The following AGBL1 variants were observed in gnomAD, a reference collection of about 807,000 sequenced individuals.
AGBL1 encodes the protein cytosolic carboxypeptidase 4.
Under a neutral mutation model 118.9 loss-of-function variants are expected in AGBL1, and 130 were observed. The ratio of observed to expected loss-of-function variants is 1.09; its 90% CI spans 0.95 to 1.26. The LOEUF (loss-of-function observed/expected upper bound fraction) is 1.26. Among genes scored for constraint, AGBL1 ranks in the 50% most tolerant of loss-of-function variants. The pLI, the probability that AGBL1 is intolerant of heterozygous loss-of-function variation, is 0.00. For synonymous variants in AGBL1, 555 were observed against 478.9 expected, an observed-to-expected ratio of 1.16 and a Z score of -2.08; for missense variants, 1,584 against 1,298.1, an observed-to-expected ratio of 1.22 and a Z score of -3.38.
At chr15:86,089,959 A>C (rs1895912918) in intron 1 of AGBL1, among the ~76,000 whole-genome samples, 1 of 152,250 alleles carries the variant, frequency 6.6e-6, no homozygotes. Flanking sequence ...TAATATTTGA[A>C]GAAAAATGGG....
intron 21 of AGBL1, among the ~76,000 whole-genome samples, chr15:86,579,025 A>G (rs2084137255): frequency 6.6e-6 from 1 of 152,172 alleles, no homozygotes; most frequent in Non-Finnish European, 1.5e-5. Flanking sequence ...ATATTGTTAT[A>G]CCCAGCCTAG....
In AGBL1 at chr15:86,270,049, A is replaced by C. The variant is rs1300069378; in HGVS notation, c.1969A>C (p.Asn657His). The C allele has an allele frequency of 1.9e-6, 3 of 1,612,380 alleles. No individual in the cohort carries two copies. Among genetic ancestry groups the C allele is most frequent in the Admixed American group, 3.3e-5 (2 of 59,812 alleles). The change falls in exon 14 of 23, where the codon AAC becomes CAC. Residue 657 changes from asparagine (N) to histidine (H), a missense_variant. Physicochemically the swap from Asn to His is moderately conservative, Grantham distance 68. Transcript: ENST00000614907. Reference protein sequence around the residue: ...HFNIINCEKPNSQFNYGMQPT... With the variant: ...HFNIINCEKPHSQFNYGMQPT... ...CAACATCATCAACTGTGAGAAGCCC[A>C]ACAGCCAGTTTAATTATGGTATGAA...
intron 24 of AGBL1, among the ~76,000 whole-genome samples, chr15:87,005,448 A>C (rs1157771651): frequency 2.0e-5 from 3 of 151,998 alleles, no homozygotes; most frequent in Non-Finnish European, 2.9e-5. Flanking sequence ...TTTGATCTTC[A>C]ATCACTGATA....
At chr15:86,300,322 T>G (rs963190033) in intron 17 of AGBL1, among the ~76,000 whole-genome samples, 2 of 152,176 alleles carry the variant, frequency 1.3e-5, no homozygotes, top group African/African-American at 2.4e-5. Context: ...GAGAGCTATA[T>G]CTCTGGAAGA....
chr15:86,302,542 C>T (rs149478418), intron 17 of AGBL1, among the ~76,000 whole-genome samples: 3 of 151,612 alleles, frequency 2.0e-5, no homozygotes, highest in African/African-American at 4.8e-5. Context: ...TTTGGGAGGC[C>T]GAGGTGGGTG....
intron 21 of AGBL1, among the ~76,000 whole-genome samples, chr15:86,638,078 T>A (rs1430845746): frequency 1.3e-5 from 2 of 152,094 alleles, no homozygotes; most frequent in African/African-American, 4.8e-5. Flanking sequence ...CGGGACTACT[T>A]CTCATCTTCT....
At chr15:86,823,682 G>A (rs921558148) in intron 22 of AGBL1, among the ~76,000 whole-genome samples, 3 of 152,140 alleles carry the variant, frequency 2.0e-5, no homozygotes, top group African/African-American at 7.2e-5. Flanking sequence ...TTGGGATAGC[G>A]AGAAGCAAAT....
intron 21 of AGBL1, among the ~76,000 whole-genome samples, chr15:86,654,357 A>G (rs1265189884): frequency 6.6e-6 from 1 of 152,112 alleles, no homozygotes; most frequent in Non-Finnish European, 1.5e-5. Context: ...AGAAGCTTCC[A>G]ATTTTTACAT....
intron 17 of AGBL1, among the ~76,000 whole-genome samples, chr15:86,325,929 T>A (rs1029428598): frequency 2.6e-5 from 4 of 152,202 alleles, no homozygotes; most frequent in African/African-American, 4.8e-5. Flanking sequence ...TGCTCTCTTC[T>A]TCAGAAAATT....
intron 22 of AGBL1, among the ~76,000 whole-genome samples, chr15:86,761,626 A>G (rs79136266): frequency 3.9e-5 from 6 of 152,054 alleles, no homozygotes; most frequent in African/African-American, 1.2e-4. Flanking sequence ...TTTGGCATAT[A>G]AAAAAGAGGA....
intron 5 of AGBL1, among the ~76,000 whole-genome samples, chr15:86,199,638 C>T (rs2077872117): frequency 6.6e-6 from 1 of 152,198 alleles, no homozygotes; most frequent in African/African-American, 2.4e-5. Context: ...CATTACTCAG[C>T]AGCTGACTTA....
chr15:86,319,544 G>A (rs1335990149), intron 17 of AGBL1, among the ~76,000 whole-genome samples: 1 of 151,788 alleles, frequency 6.6e-6, no homozygotes, highest in Middle Eastern at 3.2e-3. Context: ...AATCCTTCTG[G>A]CCACTGAGGT....
At chr15:86,847,956 CAG>C (rs1241794044) in intron 22 of AGBL1, among the ~76,000 whole-genome samples, 1 of 152,184 alleles carries the variant, frequency 6.6e-6, no homozygotes, top group Non-Finnish European at 1.5e-5. Flanking sequence ...CTCAGGCTTG[CAG>C]AGAGACTGGT....
At chr15:86,557,191 A>G (rs2083747076) in intron 21 of AGBL1, among the ~76,000 whole-genome samples, 1 of 152,164 alleles carries the variant, frequency 6.6e-6, no homozygotes, top group African/African-American at 2.4e-5. Flanking sequence ...GATTTACTTT[A>G]CCTATTAGGG....
At chr15:86,262,498 T>C (rs1023788211) in intron 9 of AGBL1, 7 of 424,000 alleles carry the variant, frequency 1.7e-5, no homozygotes, top group African/African-American at 6.1e-5. Flanking sequence ...TAATGTGCTT[T>C]ATCAATTATG....
chr15:86,173,307 G>C (rs2077439597), intron 5 of AGBL1: 1 of 151,840 alleles, frequency 6.6e-6, no homozygotes, highest in Non-Finnish European at 1.5e-5. Context: ...ATGTTTTCTT[G>C]CTATTGAATT....
chr15:86,889,706 T>A (rs1177693250), intron 22 of AGBL1, among the ~76,000 whole-genome samples: 1 of 152,208 alleles, frequency 6.6e-6, no homozygotes, highest in African/African-American at 2.4e-5. Flanking sequence ...TCCATCCATG[T>A]CCCTGCAAAG....
At chr15:86,828,478 C>A (rs7173274) in intron 22 of AGBL1, among the ~76,000 whole-genome samples, 190 of 152,070 alleles carry the variant, frequency 1.2e-3, no homozygotes, top group African/African-American at 4.4e-3. Flanking sequence ...TTAGAAGGGC[C>A]AGAGTCAGAA....
At chr15:86,990,144 C>G (rs936679263) in intron 24 of AGBL1, among the ~76,000 whole-genome samples, 1 of 152,134 alleles carries the variant, frequency 6.6e-6, no homozygotes, top group African/African-American at 2.4e-5. Context: ...TATAAGAAAG[C>G]AAAATCACAA....
Sources: gnomAD v4.1 joint callset for allele counts (sites outside exome capture counted in the v4.1 genomes callset) on GRCh38, gnomAD v4.1.1 for gene constraint, MANE v1.5 for transcripts, NCBI Gene and HGNC (gene_info 2026-07-23, HGNC 2026-07-21) for gene names.